Variants in TRPC7 observed in about 807,000 individuals in gnomAD.
TRPC7 encodes the protein short transient receptor potential channel 7.
A neutral mutation model predicts 90.1 loss-of-function variants in TRPC7; 42 were observed. The ratio of observed to expected loss-of-function variants is 0.47; its 90% confidence interval spans 0.36 to 0.60. The LOEUF is 0.60. Ranked by LOEUF, TRPC7 falls within the 20% of genes least tolerant of loss-of-function variation. TRPC7 has a pLI of 0.00. For missense variants in TRPC7, 955 were observed against 1,112.3 expected, an observed-to-expected ratio of 0.86 and a Z score of 2.01; for synonymous variants, 451 against 436.3, an observed-to-expected ratio of 1.03 and a Z score of -0.42.
At chr5:136,274,650 C>A in intron 4 of TRPC7, 23 bp downstream of exon 4, 1 of 1,575,922 alleles carries the variant, frequency 6.3e-7, no homozygotes, top group South Asian at 1.2e-5. Context: ...CCGCAAACGA[C>A]ATGCACCTTA....
chr5:136,335,020 T>A (rs1311103451), intron 2 of TRPC7, among the ~76,000 whole-genome samples: 1 of 152,224 alleles, frequency 6.6e-6, no homozygotes, highest in African/African-American at 2.4e-5. Context: ...AGTTTAAATA[T>A]AATCAGGAAA....
intron 4 of TRPC7, among the ~76,000 whole-genome samples, chr5:136,273,551 T>C (rs1364016259): frequency 6.6e-6 from 1 of 152,190 alleles, no homozygotes; most frequent in Non-Finnish European, 1.5e-5. Flanking sequence ...GTCAGTTCAT[T>C]GACTGTCTGG....
At chr5:136,322,674 A>G (rs754132330) in intron 2 of TRPC7, among the ~76,000 whole-genome samples, 3 of 152,026 alleles carry the variant, frequency 2.0e-5, no homozygotes, top group Non-Finnish European at 2.9e-5. Context: ...CTGCATGTCA[A>G]TTTCTTTTCT....
At chr5:136,273,610 T>C (rs545593264) in intron 4 of TRPC7, among the ~76,000 whole-genome samples, 2 of 152,274 alleles carry the variant, frequency 1.3e-5, no homozygotes, top group South Asian at 4.1e-4. Context: ...GTCATTCTGG[T>C]ATGAGTTACT....
chr5:136,335,905 A>T (rs1759648016), intron 2 of TRPC7, among the ~76,000 whole-genome samples: 1 of 23,948 alleles, frequency 4.2e-5, no homozygotes, highest in South Asian at 6.6e-4. Flanking sequence ...CTCCGTCTCA[A>T]AAAAAAAAAA....
intron 8 of TRPC7, among the ~76,000 whole-genome samples, chr5:136,229,758 T>C (rs942430086): frequency 1.3e-5 from 2 of 152,202 alleles, no homozygotes; most frequent in Non-Finnish European, 2.9e-5. Context: ...TACACAGGGA[T>C]CTTTACTTTT....
chr5:136,358,432 T>A (rs1760459724), intron 1 of TRPC7, among the ~76,000 whole-genome samples: 1 of 152,196 alleles, frequency 6.6e-6, no homozygotes, highest in African/African-American at 2.4e-5. Context: ...TTGCATCAAA[T>A]CTGTGAGGAA....
At chr5:136,255,800 G>A (rs1022349286) in intron 5 of TRPC7, among the ~76,000 whole-genome samples, 10 of 152,152 alleles carry the variant, frequency 6.6e-5, no homozygotes, top group Non-Finnish European at 1.5e-4. Context: ...TACAGCTAAT[G>A]AGACAGTGGC....
At chr5:136,360,546 G>C (rs943382129) in intron 1 of TRPC7, among the ~76,000 whole-genome samples, 3 of 152,132 alleles carry the variant, frequency 2.0e-5, no homozygotes, top group Admixed American at 6.5e-5. Context: ...GCATTTTTCT[G>C]AATGACCTTG....
chr5:136,271,310 G>A (rs964344508), intron 4 of TRPC7, among the ~76,000 whole-genome samples: 3 of 152,196 alleles, frequency 2.0e-5, no homozygotes, highest in Non-Finnish European at 2.9e-5. Flanking sequence ...ATAGTTAACA[G>A]GTAATAGACA....
chr5:136,255,443 A>T (rs1176786643), intron 5 of TRPC7, among the ~76,000 whole-genome samples: 2 of 152,214 alleles, frequency 1.3e-5, no homozygotes, highest in African/African-American at 4.8e-5. Context: ...GGCTCAGATG[A>T]TTGTTAGCAT....
intron 2 of TRPC7, among the ~76,000 whole-genome samples, chr5:136,349,018 G>A (rs549416959): frequency 6.6e-6 from 1 of 152,174 alleles, no homozygotes; most frequent in East Asian, 1.9e-4. Context: ...AGTTGCACTT[G>A]TGTAGGAAAT....
chr5:136,283,893 C>G (rs1478717911), intron 3 of TRPC7, among the ~76,000 whole-genome samples: 1 of 152,192 alleles, frequency 6.6e-6, no homozygotes, highest in Non-Finnish European at 1.5e-5. Context: ...GACATCTACT[C>G]TCCTCCAACA....
Position 136,247,502 on chromosome 5 carries a change from G to T in TRPC7, c.1813C>A (p.Arg605=). 1 of 1,613,734 alleles carries T rather than the reference G, an allele frequency of 6.2e-7. No individual in the cohort carries two copies. The highest frequency in any genetic ancestry group is 2.2e-5 in the East Asian group (1 of 44,880). ...AACGCTGGGTTGTATTTGGCACCTC[G>T]GTAGTAAGAGTACAGGTTGAACATC... ...IGMFNLYSYY[R]GAKYNPAFTT... The change falls in exon 7 of 12, where the codon CGA becomes AGA. Residue 605 remains arginine, a synonymous_variant. Coordinates refer to ENST00000513104, the MANE Select transcript of TRPC7 (RefSeq NM_020389.3). The surrounding 1 kb of genome is among the most constrained non-coding windows in gnomAD (Gnocchi z 4.2).
At chr5:136,296,646 C>T (rs1758183786) in intron 3 of TRPC7, among the ~76,000 whole-genome samples, 1 of 152,048 alleles carries the variant, frequency 6.6e-6, no homozygotes, top group South Asian at 2.1e-4. Flanking sequence ...AAATTATTTA[C>T]CCTATAGCTG....
chr5:136,307,115 A>G (rs1758663909), intron 3 of TRPC7, among the ~76,000 whole-genome samples: 1 of 152,236 alleles, frequency 6.6e-6, no homozygotes, highest in South Asian at 2.1e-4. Context: ...CATATTTATC[A>G]CCTTGCTTAC....
At chr5:136,232,363 T>C (rs1052828178) in intron 7 of TRPC7, among the ~76,000 whole-genome samples, 4 of 152,334 alleles carry the variant, frequency 2.6e-5, no homozygotes, top group South Asian at 2.1e-4. Flanking sequence ...AAAGAGCAGC[T>C]CACTTAAGCC....
At chr5:136,241,114 C>T (rs1375778093) in intron 7 of TRPC7, among the ~76,000 whole-genome samples, 1 of 152,104 alleles carries the variant, frequency 6.6e-6, no homozygotes, top group African/African-American at 2.4e-5. Flanking sequence ...TGAATCAGTG[C>T]CTCCTGAATC....
At chr5:136,258,784 C>T (rs781142133) in intron 5 of TRPC7, among the ~76,000 whole-genome samples, 5 of 152,192 alleles carry the variant, frequency 3.3e-5, no homozygotes, top group Admixed American at 6.5e-5. Context: ...TAAGTATGTA[C>T]ATTCTTTAAA....
Sources: allele counts gnomAD v4.1 joint callset (sites outside exome capture counted in the v4.1 genomes callset), GRCh38; gene constraint gnomAD v4.1.1; non-coding constraint Gnocchi (gnomAD v3.1); transcripts MANE v1.5; gene names NCBI Gene and HGNC (gene_info 2026-07-23, HGNC 2026-07-21).